N4BP1: variants seen among roughly 807,000 people sequenced by gnomAD.
N4BP1 encodes NEDD4-binding protein 1.
Under a neutral mutation model 70.9 loss-of-function variants are expected in N4BP1, and 21 were observed. The ratio of observed to expected loss-of-function variants is 0.30; its 90% confidence interval spans 0.21 to 0.43. The LOEUF is 0.43. N4BP1 is among the 20% of genes least tolerant of loss of function. N4BP1 has a pLI of 1.00. For synonymous variants in N4BP1, 387 were observed against 394.6 expected, an observed-to-expected ratio of 0.98 and a Z score of 0.23; for missense variants, 936 against 1,069.4, an observed-to-expected ratio of 0.88 and a Z score of 1.74.
chr16:48,602,727 A>C (rs1344848151), intron 1 of N4BP1, among the ~76,000 whole-genome samples: 1 of 152,080 alleles, frequency 6.6e-6, no homozygotes, highest in Non-Finnish European at 1.5e-5. Flanking sequence ...TTCATGAACA[A>C]ATCAATTGTT....
At chr16:48,570,835 T>G (rs1372137997) in intron 1 of N4BP1, among the ~76,000 whole-genome samples, 1 of 152,136 alleles carries the variant, frequency 6.6e-6, no homozygotes, top group Admixed American at 6.5e-5. Flanking sequence ...CTAAACTTTT[T>G]TTGAGATAAG....
At position 48,540,903 on chromosome 16, in the gene N4BP1, G is replaced by C. The variant is rs74372789; in HGVS notation, c.*2001C>G. The stretch of plus-strand genomic sequence containing the variant: ...GGTTTCGGAAGGAATGATGAATTCC[G>C]TCTCATGCTGTAACTGATGAAGGCA... On this transcript the variant is annotated 3_prime_UTR_variant, in exon 7 of 7. Transcript: ENST00000262384. 1 of 152,242 alleles carries C rather than the reference G, an allele frequency of 6.6e-6. No individual in the cohort carries two copies. The highest frequency in any genetic ancestry group is 1.5e-5 in the Non-Finnish European group (1 of 68,016). 9.4% of individuals were successfully genotyped at this position (152,242 alleles called of 1,614,324 possible).
intron 1 of N4BP1, among the ~76,000 whole-genome samples, chr16:48,569,655 C>T (rs1963988363): frequency 6.6e-6 from 1 of 152,174 alleles, no homozygotes. Context: ...CTTGGCCTCT[C>T]AAAGTGCTGG....
intron 5 of N4BP1, among the ~76,000 whole-genome samples, chr16:48,547,016 T>C (rs1963600246): frequency 1.3e-5 from 2 of 152,160 alleles, no homozygotes; most frequent in African/African-American, 4.8e-5. Context: ...TTGGTTCAGC[T>C]ATCAACAACA....
At chr16:48,548,549 A>G (rs1162338106) in intron 4 of N4BP1, among the ~76,000 whole-genome samples, 1 of 152,140 alleles carries the variant, frequency 6.6e-6, no homozygotes, top group Non-Finnish European at 1.5e-5. Flanking sequence ...TTCCTTTTTA[A>G]AAATTCATAG....
chr16:48,581,437 C>A (rs1162196718), intron 1 of N4BP1, among the ~76,000 whole-genome samples: 1 of 151,966 alleles, frequency 6.6e-6, no homozygotes, highest in Non-Finnish European at 1.5e-5. Flanking sequence ...TATAAGACAT[C>A]CACACTAGAA....
At chr16:48,602,548 CA>C (rs2151102971) in intron 1 of N4BP1, among the ~76,000 whole-genome samples, 1 of 152,016 alleles carries the variant, frequency 6.6e-6, no homozygotes, top group East Asian at 1.9e-4. Flanking sequence ...AAATGTCAGC[CA>C]TAAGAAGAGA....
intron 1 of N4BP1, among the ~76,000 whole-genome samples, chr16:48,576,556 T>C (rs1032330189): frequency 7.2e-5 from 11 of 152,230 alleles, no homozygotes; most frequent in African/African-American, 2.7e-4. Flanking sequence ...TCTTCACTCT[T>C]ATCCAAAGAA....
At position 48,562,143 on chromosome 16, in the gene N4BP1, T is replaced by G. The variant is rs1963870314; in HGVS notation, c.500A>C (p.His167Pro). 1 of 1,613,884 alleles carries G rather than the reference T, an allele frequency of 6.2e-7. No homozygotes were observed. The highest frequency in any genetic ancestry group is 1.7e-5 in the Admixed American group (1 of 59,992). ...CAAATCCATTGTGTAATTGTCTGCA[T>G]GGGCTTCAACAAATTGTTTGAATTC... ...KREFKQFVEA[H>P]ADNYTMDLLI... Residue 167 changes from histidine to proline, a missense_variant, in exon 2 of 7, where the codon CAT (histidine) becomes CCT (proline). His to Pro is a moderately conservative substitution (Grantham distance 77). This residue lies in a region of N4BP1 where 187 missense variants were observed against 217.1 expected (regional missense o/e 0.86). Transcript: ENST00000262384.
intron 1 of N4BP1, among the ~76,000 whole-genome samples, chr16:48,565,200 G>A (rs1171780626): frequency 2.6e-5 from 4 of 152,140 alleles, no homozygotes; most frequent in East Asian, 1.9e-4. Flanking sequence ...CTATGTTGGC[G>A]AGCAGTGGTG....
chr16:48,566,305 A>G (rs1196633476), intron 1 of N4BP1, among the ~76,000 whole-genome samples: 2 of 152,218 alleles, frequency 1.3e-5, no homozygotes, highest in East Asian at 3.9e-4. Context: ...TTGGCCTCCC[A>G]AAGTGTTGGG....
intron 1 of N4BP1, among the ~76,000 whole-genome samples, chr16:48,605,300 G>T (rs1436964350): frequency 6.6e-6 from 1 of 152,098 alleles, no homozygotes; most frequent in Non-Finnish European, 1.5e-5. Flanking sequence ...AAAGTGTTGG[G>T]ATTACACAGG....
chr16:48,591,532 T>C (rs1293056428), intron 1 of N4BP1, among the ~76,000 whole-genome samples: 2 of 151,824 alleles, frequency 1.3e-5, no homozygotes. Flanking sequence ...TAGAGTCTGA[T>C]AATAAGAGAT....
chr16:48,575,374 G>A (rs1239884465), intron 1 of N4BP1, among the ~76,000 whole-genome samples: 2 of 152,150 alleles, frequency 1.3e-5, no homozygotes, highest in Non-Finnish European at 2.9e-5. Context: ...AAGAAAAAAG[G>A]GGGAGGGGCA....
chr16:48,588,278 T>C (rs1321419218), intron 1 of N4BP1, among the ~76,000 whole-genome samples: 1 of 149,818 alleles, frequency 6.7e-6, no homozygotes, highest in Non-Finnish European at 1.5e-5. Flanking sequence ...GTTCTTTCAA[T>C]GTCATACTAT....
chr16:48,592,705 A>G (rs376929037), intron 1 of N4BP1, among the ~76,000 whole-genome samples: 81 of 152,374 alleles, frequency 5.3e-4, no homozygotes, highest in African/African-American at 1.1e-3. Context: ...TTACTGGTAA[A>G]TAAAAATATC....
chr16:48,572,242 G>T (rs1002898414), intron 1 of N4BP1, among the ~76,000 whole-genome samples: 1 of 152,050 alleles, frequency 6.6e-6, no homozygotes, highest in African/African-American at 2.4e-5. Flanking sequence ...CATAATTAGT[G>T]GAACAATTAC....
intron 1 of N4BP1, among the ~76,000 whole-genome samples, chr16:48,582,516 G>A (rs1028041292): frequency 3.3e-5 from 5 of 152,072 alleles, no homozygotes; most frequent in African/African-American, 9.7e-5. Context: ...ATTTGGACAC[G>A]CCAAAGAGAA....
At chr16:48,577,730 C>A in intron 1 of N4BP1, 1 of 180,984 alleles carries the variant, frequency 5.5e-6, no homozygotes, top group Non-Finnish European at 1.2e-5. Flanking sequence ...CAGCTCCTGG[C>A]TGAGGTGTAG....
Sources: allele counts gnomAD v4.1 joint callset (sites outside exome capture counted in the v4.1 genomes callset), GRCh38; gene constraint gnomAD v4.1.1; regional missense constraint gnomAD v4.1.1; transcripts MANE v1.5; gene names NCBI Gene and HGNC (gene_info 2026-07-23, HGNC 2026-07-21).